Variants in ACSBG2 observed in about 807,000 individuals in gnomAD.
ACSBG2 encodes the protein long-chain-fatty-acid--CoA ligase ACSBG2.
Under a neutral mutation model 74.7 loss-of-function variants are expected in ACSBG2, and 62 were observed. The observed-to-expected ratio is 0.83, with a 90% CI of 0.68 to 1.03. The LOEUF (loss-of-function observed/expected upper bound fraction) is 1.03, where lower values mean the gene tolerates loss of function less well. ACSBG2 is among the 50% of genes least tolerant of loss of function. The pLI, the probability that ACSBG2 is intolerant of heterozygous loss-of-function variation, is 0.00. For synonymous variants in ACSBG2, 309 were observed against 294.1 expected (o/e 1.05, Z -0.52); for missense variants, 730 against 817.6 (o/e 0.89, Z 1.31).
intron 2 of ACSBG2, among the ~76,000 whole-genome samples, chr19:6,146,124 G>C (rs940516419): frequency 6.6e-6 from 1 of 152,172 alleles, no homozygotes; most frequent in Non-Finnish European, 1.5e-5. Context: ...ACATGCAAGG[G>C]TGTTTAAGGG....
intron 8 of ACSBG2, among the ~76,000 whole-genome samples, chr19:6,181,951 T>A (rs2145233235): frequency 6.6e-6 from 1 of 152,236 alleles, no homozygotes; most frequent in South Asian, 2.1e-4. Context: ...ACTGACTTAT[T>A]ACACTAGCTT....
rs562681677 is a variant in ACSBG2 at position 6,165,232 on chromosome 19, G to A, written c.589-634G>A. Among the ~76,000 whole-genome samples the A allele has an allele frequency of 2.6e-5, 4 of 152,260 alleles. No individual in the cohort carries two copies. The East Asian group carries it at 7.7e-4, about 29-fold the overall frequency. ...CGCTCCAGCCTTGCTTTCTCACATA[G>A]TCCTGAGATGGTTCAGCAGCTCCTA... On this transcript the variant is annotated intron_variant, in intron 6 of 14. Transcript: ENST00000588485.
At chr19:6,177,485 T>C in intron 8 of ACSBG2, 89 bp downstream of exon 8, 2 of 1,403,682 alleles carry the variant, frequency 1.4e-6, no homozygotes, top group Non-Finnish European at 1.9e-6. Flanking sequence ...GACAGATTTT[T>C]TGGGTGAAGC....
intron 10 of ACSBG2, 113 bp from the exon 11 acceptor site, chr19:6,185,323 C>T: frequency 9.7e-7 from 1 of 1,030,194 alleles, no homozygotes; most frequent in Non-Finnish European, 1.5e-6. Flanking sequence ...GGGTGCATAT[C>T]CAGCCTGCTC....
At chr19:6,184,678 A>C (rs543023234) in intron 10 of ACSBG2, among the ~76,000 whole-genome samples, 1 of 151,590 alleles carries the variant, frequency 6.6e-6, no homozygotes, top group Admixed American at 6.6e-5. Flanking sequence ...TATGAAAGTA[A>C]CTTTTACCTC....
chr19:6,151,857 C>T, intron 4 of ACSBG2, 62 bp downstream of exon 4: 1 of 1,491,058 alleles, frequency 6.7e-7, no homozygotes, highest in South Asian at 1.2e-5. Flanking sequence ...GCCTGGGACC[C>T]CTGGGCTTGT....
Position 6,135,731 on chromosome 19 carries a change from C to T in ACSBG2, c.-210C>T, listed in dbSNP as rs1016316214. 6.6e-6 allele frequency: 1 copy of T among 152,312 alleles called. No individual in the cohort carries two copies. The highest frequency in any genetic ancestry group is 1.5e-5 in the Non-Finnish European group (1 of 68,204). 9.4% of individuals were successfully genotyped at this position (152,312 alleles called of 1,614,324 possible). On this transcript the variant is annotated 5_prime_UTR_variant, in exon 1 of 15. Transcript: ENST00000588485. ...TCCTCCTGCCTCCCACCACCACCATCATCCTGGCTGGACGGAGAGGGTGAC... is the reference window on the plus strand; with the variant it reads ...TCCTCCTGCCTCCCACCACCACCATTATCCTGGCTGGACGGAGAGGGTGAC...
At chr19:6,176,468 G>T (rs1056485147) in intron 7 of ACSBG2, 16 of 1,314,962 alleles carry the variant, frequency 1.2e-5, no homozygotes, top group South Asian at 3.0e-5. Context: ...ACAATCCAAG[G>T]TGCCTTATAC....
chr19:6,166,902 G>T (rs898726967), intron 7 of ACSBG2, among the ~76,000 whole-genome samples: 4 of 152,138 alleles, frequency 2.6e-5, no homozygotes, highest in Non-Finnish European at 5.9e-5. Context: ...GCCTCCCAAA[G>T]TGTTGGGATT....
intron 1 of ACSBG2, among the ~76,000 whole-genome samples, chr19:6,138,481 G>A (rs1285367321): frequency 2.1e-5 from 3 of 141,606 alleles, no homozygotes; most frequent in East Asian, 4.3e-4. Context: ...AGAGAGAGAG[G>A]GGAAGGGGGA....
Position 6,183,286 on chromosome 19 carries a change from G to C in ACSBG2, c.1322+14G>C, listed in dbSNP as rs1033715790. ...CAGGCTTCTAAGGTACCAGCCCCCG[G>C]GGCAGACCCCTGCTCCTCCCATAAC... On this transcript the variant is annotated intron_variant, in intron 10 of 14. Transcript: ENST00000588485. The C allele has an allele frequency of 1.9e-6, 3 of 1,610,218 alleles. No individual in the cohort carries two copies. The Admixed American group carries it at 5.0e-5, about 27-fold the overall frequency.
Position 6,161,439 on chromosome 19 carries a change from TCAAAGGAAGTGAAAG to T in ACSBG2, c.588+145_588+159del, listed in dbSNP as rs2089612759. ...TCTCAAAGGAAGTAGGTGGGGACTC[TCAAAGGAAGTGAAAG>T]GTGAGGAAAGGAAGTGGGTGGGGCC... On this transcript the variant is annotated intron_variant, in intron 6 of 14. Coordinates refer to ENST00000588485, the MANE Select transcript of ACSBG2 (RefSeq NM_030924.5). The T allele has an allele frequency of 5.9e-6, 4 of 673,136 alleles. No individual in the cohort carries two copies. In the African/African-American group the frequency reaches 6.4e-5, roughly 11 times the overall value. The allele number at this position is 673,136 out of a possible 1,614,324, so 41.7% of individuals were successfully genotyped here.
chr19:6,187,164 C>A, intron 11 of ACSBG2, 119 bp from the exon 12 acceptor site: 2 of 1,397,794 alleles, frequency 1.4e-6, no homozygotes, highest in South Asian at 2.7e-5. Context: ...ACCACCAAAC[C>A]TGGCTAATTT....
rs139700487 is a variant in ACSBG2 at position 6,187,779 on chromosome 19, A to G, written c.1861A>G (p.Asn621Asp). The G allele has an allele frequency of 1.4e-4, 228 of 1,614,084 alleles. No homozygotes were observed. The highest frequency in any genetic ancestry group is 1.8e-4 in the Non-Finnish European group (211 of 1,180,036). The change falls in exon 13 of 15, where the codon AAT (asparagine) becomes GAT (aspartate). Residue 621 changes from asparagine to aspartate, a missense_variant. Coordinates refer to ENST00000588485, the MANE Select transcript of ACSBG2 (RefSeq NM_030924.5). ...TGCTGTGAACCAGGAAGCCATGAACAATGCACAGAGGATTGAAAAGTGGGT... is the reference window on the plus strand; with the variant it reads ...TGCTGTGAACCAGGAAGCCATGAACGATGCACAGAGGATTGAAAAGTGGGT... ...INAVNQEAMN[N>D]AQRIEKWVIL... is the part of the protein sequence containing the mutation.
intron 14 of ACSBG2, chr19:6,191,174 T>G (rs954364724): frequency 2.6e-5 from 4 of 154,240 alleles, no homozygotes; most frequent in African/African-American, 7.3e-5. Context: ...GTTTATCCTC[T>G]CTTTTCCCCA....
At chr19:6,172,685 T>C (rs1465858142) in intron 7 of ACSBG2, among the ~76,000 whole-genome samples, 1 of 152,226 alleles carries the variant, frequency 6.6e-6, no homozygotes, top group African/African-American at 2.4e-5. Flanking sequence ...CTCAGGAGGC[T>C]TATCTCATGC....
At chr19:6,168,313 T>C (rs1383969387) in intron 7 of ACSBG2, among the ~76,000 whole-genome samples, 1 of 152,130 alleles carries the variant, frequency 6.6e-6, no homozygotes, top group East Asian at 1.9e-4. Context: ...CTCCTTCGGG[T>C]GGGTCTCTGC....
chr19:6,185,283 A>G (rs554833446), intron 10 of ACSBG2, among the ~76,000 whole-genome samples, 153 bp from the exon 11 acceptor site: 1 of 152,196 alleles, frequency 6.6e-6, no homozygotes, highest in African/African-American at 2.4e-5. Flanking sequence ...TGGATTAAAC[A>G]CTGCAGCAAA....
At position 6,147,106 on chromosome 19, in the gene ACSBG2, AAAAG is replaced by A. The variant is rs1020740182; in HGVS notation, c.68-328_68-325del. Reference sequence around the variant, plus strand: ...CAGAGCAAGACCGTGTCTCCAGAAAAAAAGAAAGAAAGAAAAAAAAAATGGACAT... The same window carrying A: ...CAGAGCAAGACCGTGTCTCCAGAAAAAAAGAAAGAAAAAAAAAATGGACAT... On this transcript the variant is annotated intron_variant, in intron 2 of 14. Coordinates refer to ENST00000588485, the MANE Select transcript of ACSBG2 (RefSeq NM_030924.5). 8.5e-5 allele frequency among the ~76,000 whole-genome samples: 13 copies of A among 152,246 alleles called. No individual in the cohort carries two copies. In the South Asian group the frequency reaches 1.5e-3, roughly 17 times the overall value.
Sources: allele counts gnomAD v4.1 joint callset (sites outside exome capture counted in the v4.1 genomes callset), GRCh38; gene constraint gnomAD v4.1.1; transcripts MANE v1.5; gene names NCBI Gene and HGNC (gene_info 2026-07-23, HGNC 2026-07-21).